The following RPTOR variants were observed in gnomAD, a reference collection of about 807,000 sequenced individuals.
RPTOR encodes the protein regulatory associated protein of MTOR complex 1, also known as regulatory-associated protein of mTOR.
In RPTOR, 21 loss-of-function variants were observed where a neutral mutation model predicts 169.9. The observed-to-expected ratio is 0.12, with a 90% CI of 0.09 to 0.18. RPTOR has a LOEUF of 0.18. Among genes scored for constraint, RPTOR ranks in the 10% least tolerant of loss-of-function variants. The pLI is 1.00. For missense variants in RPTOR, 1,133 were observed against 1,855.9 expected (o/e 0.61, Z 7.16); for synonymous variants, 732 against 753.2 (o/e 0.97, Z 0.46).
chr17:80,627,084 C>T (rs1261325117), intron 2 of RPTOR, among the ~76,000 whole-genome samples: 2 of 152,160 alleles, frequency 1.3e-5, no homozygotes, highest in Non-Finnish European at 2.9e-5. Flanking sequence ...TAGCATAATG[C>T]CCCCAAAGTT....
intron 2 of RPTOR, among the ~76,000 whole-genome samples, chr17:80,626,776 A>AATTATT (rs143412094): frequency 0.096 from 13,484 of 140,828 alleles, 735 homozygotes; most frequent in African/African-American, 0.15. Flanking sequence ...CCATTCTAGG[A>AATTATT]ATTATTATTA....
At chr17:80,780,640 C>T (rs1424421350) in intron 6 of RPTOR, among the ~76,000 whole-genome samples, 1 of 152,126 alleles carries the variant, frequency 6.6e-6, no homozygotes, top group Admixed American at 6.5e-5. Context: ...GCCGTTTATG[C>T]TATTTTTAGA....
At chr17:80,709,270 T>C (rs566993736) in intron 4 of RPTOR, among the ~76,000 whole-genome samples, 1 of 152,314 alleles carries the variant, frequency 6.6e-6, no homozygotes, top group East Asian at 1.9e-4. Flanking sequence ...CAGGATGTAA[T>C]GAACCACCAG....
intron 4 of RPTOR, among the ~76,000 whole-genome samples, chr17:80,712,787 A>T (rs2066206200): frequency 6.6e-6 from 1 of 152,190 alleles, no homozygotes. Flanking sequence ...TCCTGCCAGC[A>T]CTGAACGAGA....
chr17:80,739,166 G>A (rs1307133066), intron 5 of RPTOR, among the ~76,000 whole-genome samples: 8 of 144,500 alleles, frequency 5.5e-5, no homozygotes, highest in Non-Finnish European at 1.2e-4. Flanking sequence ...CGGAGGCCGA[G>A]GGGCTCGCCC....
intron 21 of RPTOR, among the ~76,000 whole-genome samples, chr17:80,921,560 A>G (rs2068745485): frequency 6.6e-6 from 1 of 152,382 alleles, no homozygotes; most frequent in Middle Eastern, 3.4e-3. Flanking sequence ...GCTGGTCTCC[A>G]GATCCACAGA....
Position 80,820,683 on chromosome 17 carries a change from A to G in RPTOR, c.891-1518A>G, listed in dbSNP as rs577615893. On this transcript the variant is annotated intron_variant, in intron 7 of 33. Coordinates refer to ENST00000306801, the MANE Select transcript of RPTOR (RefSeq NM_020761.3). The surrounding 1 kb of genome is among the most constrained non-coding windows in gnomAD (Gnocchi z 4.1). Reference sequence around the variant, plus strand: ...GCCATTCCTCCTGCGCACAGTGGACATGCTTGTTCTGAAGCGAGAGCAGAC... The same window carrying G: ...GCCATTCCTCCTGCGCACAGTGGACGTGCTTGTTCTGAAGCGAGAGCAGAC... 2.0e-5 allele frequency among the ~76,000 whole-genome samples: 3 copies of G among 152,290 alleles called. No homozygotes were observed. Among genetic ancestry groups the G allele is most frequent in the African/African-American group, 4.8e-5 (2 of 41,572 alleles).
At chr17:80,555,333 G>A (rs182375361) in intron 1 of RPTOR, among the ~76,000 whole-genome samples, 111 of 152,330 alleles carry the variant, frequency 7.3e-4, no homozygotes, top group Middle Eastern at 3.4e-3. Context: ...TGAGGGCAGT[G>A]GCCTTACATG....
chr17:80,763,541 G>A (rs1343839050), intron 6 of RPTOR, among the ~76,000 whole-genome samples: 1 of 152,216 alleles, frequency 6.6e-6, no homozygotes, highest in Non-Finnish European at 1.5e-5. Flanking sequence ...AATGAGAAGT[G>A]TGCTTAGATA....
At chr17:80,623,067 G>A (rs1013828766) in intron 1 of RPTOR, among the ~76,000 whole-genome samples, 4 of 152,020 alleles carry the variant, frequency 2.6e-5, no homozygotes, top group East Asian at 1.9e-4. Flanking sequence ...AAAATCAGTC[G>A]CCAGCATCAT....
intron 5 of RPTOR, among the ~76,000 whole-genome samples, chr17:80,732,203 A>T (rs936880422): frequency 1.3e-5 from 2 of 151,846 alleles, no homozygotes; most frequent in Non-Finnish European, 2.9e-5. Flanking sequence ...ATATGTAAAT[A>T]AAAATGCCAA....
intron 1 of RPTOR, among the ~76,000 whole-genome samples, chr17:80,572,314 G>T (rs548495907): frequency 6.6e-6 from 1 of 152,078 alleles, no homozygotes; most frequent in Non-Finnish European, 1.5e-5. Context: ...TGTTTCCCAG[G>T]CTGGTCTCGA....
intron 3 of RPTOR, among the ~76,000 whole-genome samples, chr17:80,702,222 ATTTTTGTTTTGTTTTGT>A (rs372844472): frequency 6.0e-4 from 91 of 151,910 alleles, no homozygotes; most frequent in African/African-American, 2.0e-3. Context: ...CCAAGGGCCC[ATTTTTGTTTTGTTTTGT>A]TTTTTGTTTT....
intron 2 of RPTOR, among the ~76,000 whole-genome samples, chr17:80,636,695 C>T (rs1438439642): frequency 6.6e-6 from 1 of 152,160 alleles, no homozygotes; most frequent in Non-Finnish European, 1.5e-5. Flanking sequence ...GCCCCAGTAT[C>T]CCCACTCCAG....
At chr17:80,694,522 G>A (rs1371098773) in intron 3 of RPTOR, among the ~76,000 whole-genome samples, 1 of 152,202 alleles carries the variant, frequency 6.6e-6, no homozygotes, top group Non-Finnish European at 1.5e-5. Context: ...CCGTGAATGT[G>A]TTGGTTCTGG....
At chr17:80,737,306 A>C (rs978784645) in intron 5 of RPTOR, among the ~76,000 whole-genome samples, 1 of 152,190 alleles carries the variant, frequency 6.6e-6, no homozygotes, top group African/African-American at 2.4e-5. Context: ...CTGGGGACTC[A>C]TGGATGCCCC....
At chr17:80,744,757 T>TCCTGGTTACGAGCACAGC (rs1567889226) in intron 5 of RPTOR, among the ~76,000 whole-genome samples, 2 of 5,964 alleles carry the variant, frequency 3.4e-4, no homozygotes, top group Non-Finnish European at 5.9e-4. Flanking sequence ...ACTAGCACTG[T>TCCTGGTTACGAGCACAGC]CCTGGCTACT....
chr17:80,796,669 C>T (rs118077236), intron 7 of RPTOR, among the ~76,000 whole-genome samples: 269 of 152,300 alleles, frequency 1.8e-3, no homozygotes, highest in Non-Finnish European at 3.0e-3. Flanking sequence ...GTCGCTGTAG[C>T]CACCTCAGTC....
intron 25 of RPTOR, among the ~76,000 whole-genome samples, chr17:80,943,624 A>G (rs1033097832): frequency 4.0e-5 from 6 of 151,804 alleles, no homozygotes; most frequent in African/African-American, 1.2e-4. Context: ...ACCCCTTTAT[A>G]CTTGGCTATC....
Sources: gnomAD v4.1 joint callset for allele counts (sites outside exome capture counted in the v4.1 genomes callset) on GRCh38, gnomAD v4.1.1 for gene constraint, Gnocchi (gnomAD v3.1) non-coding constraint, MANE v1.5 for transcripts, NCBI Gene and HGNC (gene_info 2026-07-23, HGNC 2026-07-21) for gene names.